The following MAP4 variants were observed in gnomAD, a reference collection of about 807,000 sequenced individuals.
MAP4 encodes microtubule associated protein 4.
In MAP4, 76 loss-of-function variants were observed where a neutral mutation model predicts 170.2. The ratio of observed to expected loss-of-function variants is 0.45; its 90% confidence interval spans 0.37 to 0.54. MAP4 has a LOEUF of 0.54. Among genes scored for constraint, MAP4 ranks in the 20% least tolerant of loss-of-function variants. MAP4 has a pLI of 0.00. For missense variants in MAP4, 2,506 were observed against 2,748.0 expected, an observed-to-expected ratio of 0.91 and a Z score of 1.97; for synonymous variants, 909 against 994.5, an observed-to-expected ratio of 0.91 and a Z score of 1.62.
intron 17 of MAP4, among the ~76,000 whole-genome samples, chr3:47,857,907 A>G (rs1174844385): frequency 3.3e-5 from 5 of 151,360 alleles, no homozygotes; most frequent in African/African-American, 4.9e-5. Flanking sequence ...ACAAGGTTTC[A>G]CCATGTTGGC....
intron 2 of MAP4, among the ~76,000 whole-genome samples, chr3:47,991,297 G>A (rs527985619): frequency 1.1e-4 from 16 of 152,268 alleles, no homozygotes; most frequent in East Asian, 1.9e-4. Context: ...CTACTCAACC[G>A]TCCCTTCTAT....
intron 3 of MAP4, chr3:47,974,036 C>T (rs1238267024): frequency 4.1e-6 from 4 of 985,384 alleles, no homozygotes; most frequent in Non-Finnish European, 4.8e-6. Flanking sequence ...GGAATGCTTC[C>T]TAAATTCCGG....
chr3:47,897,574 C>T (rs1216121444), intron 10 of MAP4, among the ~76,000 whole-genome samples: 2 of 152,000 alleles, frequency 1.3e-5, no homozygotes, highest in Non-Finnish European at 2.9e-5. Context: ...GGGGAGCAAA[C>T]GCGTGTTTGA....
chr3:48,013,470 C>T (rs991122464), intron 1 of MAP4: 6 of 152,114 alleles, frequency 3.9e-5, no homozygotes, highest in African/African-American at 1.4e-4. Flanking sequence ...TAATCTGACA[C>T]TCACTGTGGC....
chr3:47,882,500 T>A (rs979354493), intron 10 of MAP4, among the ~76,000 whole-genome samples: 5 of 147,510 alleles, frequency 3.4e-5, no homozygotes. Context: ...CTTAGAATTC[T>A]ATTTTTATTA....
At chr3:47,878,813 C>T (rs555920129) in intron 10 of MAP4, among the ~76,000 whole-genome samples, 1 of 152,104 alleles carries the variant, frequency 6.6e-6, no homozygotes, top group African/African-American at 2.4e-5. Context: ...GCTGGGATTA[C>T]AGGCATGAAC....
At chr3:48,012,061 T>G (rs2100105577) in intron 1 of MAP4, among the ~76,000 whole-genome samples, 1 of 152,136 alleles carries the variant, frequency 6.6e-6, no homozygotes, top group Non-Finnish European at 1.5e-5. Context: ...CTTCACCTAT[T>G]TAACCTGTAC....
At chr3:47,941,220 CAAAAAAAAAAAAAAA>C (rs745693695) in intron 3 of MAP4, among the ~76,000 whole-genome samples, 38 of 45,850 alleles carry the variant, frequency 8.3e-4, no homozygotes, top group African/African-American at 2.8e-3. Flanking sequence ...CTATCTCTAC[CAAAAAAAAAAAAAAA>C]AAAAAAAAAA....
intron 1 of MAP4, among the ~76,000 whole-genome samples, chr3:48,032,428 G>A (rs556507369): frequency 4.0e-5 from 6 of 151,832 alleles, no homozygotes; most frequent in Non-Finnish European, 7.4e-5. Context: ...CTTGAATCTC[G>A]GAGGCGGAGG....
intron 1 of MAP4, among the ~76,000 whole-genome samples, chr3:48,085,947 G>T (rs1010668239): frequency 6.6e-6 from 1 of 152,184 alleles, no homozygotes; most frequent in Non-Finnish European, 1.5e-5. Context: ...AGCCACTAGG[G>T]AGGCTGAGGC....
rs1487993920 is a variant in MAP4, at chr3:47,902,089, G to C, written c.5434+861C>G. Among the ~76,000 whole-genome samples, 3 of 152,202 alleles carry C rather than the reference G, an allele frequency of 2.0e-5. No individual in the cohort carries two copies. The South Asian group carries it at 6.2e-4, about 32-fold the overall frequency. On this transcript the variant is annotated intron_variant, in intron 10 of 20. Transcript: ENST00000683076. Reference sequence around the variant, plus strand: ...GGATTACTTGAGCCTGGGAGGTCGAGGCTGTAGTAAGCCGTGATCATGCCA... The same window carrying C: ...GGATTACTTGAGCCTGGGAGGTCGACGCTGTAGTAAGCCGTGATCATGCCA...
In MAP4 at chr3:47,910,893, T is replaced by C. The variant is rs550493451; in HGVS notation, c.3528A>G (p.Thr1176=). ...MTQTSGVSTE[T]GDVVKDMGVN... ...CACCCATATCTTTGACTACATCTCC[T>C]GTTTCTGTGCTAACACCAGAAGTCT... is the stretch of plus-strand genomic sequence containing the variant. Residue 1176 remains threonine, a synonymous_variant, in exon 9 of 21, where the codon ACA becomes ACG. Transcript: ENST00000683076. 1 of 1,536,156 alleles carries C rather than the reference T, an allele frequency of 6.5e-7. No homozygotes were observed. Among genetic ancestry groups the C allele is most frequent in the South Asian group, 1.2e-5 (1 of 84,068 alleles).
At chr3:47,952,959 G>T (rs927823827) in intron 3 of MAP4, among the ~76,000 whole-genome samples, 1 of 151,954 alleles carries the variant, frequency 6.6e-6, no homozygotes, top group Non-Finnish European at 1.5e-5. Context: ...AAATTGGTTT[G>T]TGTATTTTAT....
chr3:48,045,970 T>G (rs551896370), intron 1 of MAP4, among the ~76,000 whole-genome samples: 22 of 151,850 alleles, frequency 1.4e-4, no homozygotes, highest in Non-Finnish European at 2.2e-4. Flanking sequence ...ACTACAAAAT[T>G]TCTTGCATCA....
intron 1 of MAP4, among the ~76,000 whole-genome samples, chr3:48,033,341 A>C (rs2100117135): frequency 6.6e-6 from 1 of 152,072 alleles, no homozygotes; most frequent in Non-Finnish European, 1.5e-5. Flanking sequence ...CCTCATGTGG[A>C]TTTTTATCTT....
At chr3:47,971,365 C>T (rs1303975244) in intron 3 of MAP4, among the ~76,000 whole-genome samples, 1 of 152,160 alleles carries the variant, frequency 6.6e-6, no homozygotes, top group Non-Finnish European at 1.5e-5. Context: ...GTTAATATTT[C>T]ACATTTTTGG....
chr3:47,990,168 T>C (rs1302261357), intron 2 of MAP4, among the ~76,000 whole-genome samples: 2 of 152,228 alleles, frequency 1.3e-5, no homozygotes, highest in Admixed American at 1.3e-4. Context: ...CTGGTTGCAA[T>C]TTTCTGCAAA....
rs544213325 is a variant in MAP4 at position 47,918,718 on chromosome 3, C to A, written c.652+1G>T. The A allele has an allele frequency of 9.3e-6, 15 of 1,607,506 alleles. No individual in the cohort carries two copies. Among genetic ancestry groups the A allele is most frequent in the Non-Finnish European group, 1.2e-5 (14 of 1,174,430 alleles). On this transcript the variant is annotated splice_donor_variant, in intron 6 of 20. Coordinates refer to ENST00000683076, the MANE Select transcript of MAP4 (RefSeq NM_001385682.1). LOFTEE classifies it high-confidence loss of function. ...GATAAAGGGAGTCTCTAATAGTTTA[C>A]CTGCCGTTGGCTGAGGAGGTTCTGC...
At chr3:47,876,313 A>G (rs2152440813) in intron 11 of MAP4, among the ~76,000 whole-genome samples, 1 of 151,978 alleles carries the variant, frequency 6.6e-6, no homozygotes, top group Middle Eastern at 3.4e-3. Flanking sequence ...TTGTATTTTT[A>G]ATAAAGACGG....
Sources: gnomAD v4.1 joint callset for allele counts (sites outside exome capture counted in the v4.1 genomes callset) on GRCh38, gnomAD v4.1.1 for gene constraint, MANE v1.5 for transcripts, NCBI Gene and HGNC (gene_info 2026-07-23, HGNC 2026-07-21) for gene names.